Variants in DZIP1 observed in about 807,000 individuals in gnomAD.
The protein encoded by DZIP1 is DAZ interacting zinc finger protein 1.
In DZIP1, 97 loss-of-function variants were observed where a neutral mutation model predicts 107.6. That is an observed-to-expected ratio of 0.90 (90% CI 0.77 to 1.07). The LOEUF (loss-of-function observed/expected upper bound fraction) is 1.07, where lower values mean the gene tolerates loss of function less well. Ranked by LOEUF, DZIP1 falls within the 50% of genes least tolerant of loss-of-function variation. The pLI, the probability that DZIP1 is intolerant of heterozygous loss-of-function variation, is 0.00. For missense variants in DZIP1, 1,035 were observed against 1,063.6 expected, an observed-to-expected ratio of 0.97 and a Z score of 0.37; for synonymous variants, 390 against 386.4, an observed-to-expected ratio of 1.01 and a Z score of -0.11.
intron 10 of DZIP1, among the ~76,000 whole-genome samples, chr13:95,617,055 A>G (rs1875185892): frequency 6.6e-6 from 1 of 152,006 alleles, no homozygotes; most frequent in Non-Finnish European, 1.5e-5. Context: ...TAAGAATACA[A>G]AAATTAGCTC....
intron 10 of DZIP1, among the ~76,000 whole-genome samples, chr13:95,615,065 A>C (rs1322874354): frequency 6.6e-6 from 1 of 152,122 alleles, no homozygotes; most frequent in Non-Finnish European, 1.5e-5. Context: ...AAACAAGTCA[A>C]ACCAACAGAC....
chr13:95,641,450 G>T lies in DZIP1; in HGVS notation c.442C>A (p.Arg148=), dbSNP rs763723856. 6.2e-7 allele frequency: 1 copy of T among 1,614,122 alleles called. No homozygotes were observed. Among genetic ancestry groups the T allele is most frequent in the Non-Finnish European group, 8.5e-7 (1 of 1,180,026 alleles). Residue 148 remains arginine, a synonymous_variant, in exon 5 of 23, where the codon CGG becomes AGG. Coordinates refer to ENST00000376829, the MANE Select transcript of DZIP1 (RefSeq NM_198968.4). The surrounding 1 kb of genome is among the most constrained non-coding windows in gnomAD (Gnocchi z 4.3). ...CCGTCGCAGTGGCTCAGGCGCAGCC[G>T]CTCCTCCAGGGTGTGCAGCTGCGAG... ...LTSQLHTLEE[R]LRLSHCDGEQ...
At chr13:95,617,787 T>G (rs559328256) in intron 10 of DZIP1, among the ~76,000 whole-genome samples, 1 of 152,100 alleles carries the variant, frequency 6.6e-6, no homozygotes, top group Non-Finnish European at 1.5e-5. Flanking sequence ...AGGGGAAGGC[T>G]GGAATTGAGG....
Position 95,641,950 on chromosome 13 carries a change from G to C in DZIP1, c.36+44C>G, listed in dbSNP as rs1392175577. The C allele has an allele frequency of 1.3e-6, 2 of 1,555,012 alleles. No homozygotes were observed. The highest frequency in any genetic ancestry group is 2.9e-5 in the African/African-American group (2 of 70,142). On this transcript the variant is annotated intron_variant, in intron 4 of 22. Transcript: ENST00000376829. The surrounding 1 kb of genome is among the most constrained non-coding windows in gnomAD (Gnocchi z 4.3). ...TCCGGGGAAGCCCCGGTTCTCCCCA[G>C]CCCGGCATCCCCGTCGGGGGCGCCC...
chr13:95,587,395 C>T, intron 20 of DZIP1, 144 bp downstream of exon 20: 1 of 1,052,250 alleles, frequency 9.5e-7, no homozygotes, highest in Non-Finnish European at 1.4e-6. Flanking sequence ...TAAACCCTGC[C>T]CATTTTCCGT....
intron 7 of DZIP1, among the ~76,000 whole-genome samples, chr13:95,628,467 G>A (rs1876819022): frequency 6.6e-6 from 1 of 152,076 alleles, no homozygotes; most frequent in Non-Finnish European, 1.5e-5. Context: ...ATTTTTCTGG[G>A]GTGTTGAAAG....
At position 95,589,897 on chromosome 13, in the gene DZIP1, T is replaced by C. The variant is rs746897166; in HGVS notation, c.1879A>G (p.Thr627Ala). ...TGTATCATTTTGGGTACTTCTCCAG[T>C]TGAAAGGGTATCCATTTGAGAAACA... ...CSVSQMDTLS[T>A]GEVPKMIQLP... Residue 627 changes from threonine to alanine, a missense_variant, in exon 18 of 23, where the codon ACT becomes GCT. By Grantham distance (58) the Thr-to-Ala change is moderately conservative. Transcript: ENST00000376829. 4 of 1,614,186 alleles carry C rather than the reference T, an allele frequency of 2.5e-6. No individual in the cohort carries two copies. Among genetic ancestry groups the C allele is most frequent in the East Asian group, 2.2e-5 (1 of 44,878 alleles).
At chr13:95,635,300 G>T (rs1041358890) in intron 5 of DZIP1, among the ~76,000 whole-genome samples, 3 of 149,464 alleles carry the variant, frequency 2.0e-5, no homozygotes, top group Non-Finnish European at 4.4e-5. Context: ...AGGTTCAAGC[G>T]ATTCTCCTGC....
intron 11 of DZIP1, among the ~76,000 whole-genome samples, chr13:95,611,745 A>T (rs986003605): frequency 1.3e-5 from 2 of 152,234 alleles, no homozygotes; most frequent in Non-Finnish European, 2.9e-5. Context: ...AATCTTTTTA[A>T]AGTTGCATTT....
At chr13:95,611,976 A>G in intron 11 of DZIP1, 61 bp downstream of exon 11, 7 of 1,566,414 alleles carry the variant, frequency 4.5e-6, no homozygotes, top group Non-Finnish European at 8.6e-7. Context: ...GTAAAAACAC[A>G]TGTTCTTAGA....
chr13:95,625,415 T>G (rs552516936), intron 7 of DZIP1, among the ~76,000 whole-genome samples: 47 of 152,174 alleles, frequency 3.1e-4, no homozygotes, highest in Non-Finnish European at 5.1e-4. Context: ...AATTGAGAAC[T>G]TGAACGACAC....
In DZIP1 at chr13:95,578,978, G is replaced by A. The variant is rs1192087724; in HGVS notation, c.*3256C>T. The A allele has an allele frequency of 6.6e-6, 1 of 152,242 alleles. No homozygotes were observed. Among genetic ancestry groups the A allele is most frequent in the Non-Finnish European group, 1.5e-5 (1 of 68,062 alleles). 9.4% of individuals were successfully genotyped at this position (152,242 alleles called of 1,614,324 possible). ...GAGCTAGGGCATCAGCAGAAGCTGA[G>A]ATAGAGATATTGGTCATGGTTGACT... On this transcript the variant is annotated 3_prime_UTR_variant, in exon 23 of 23. Transcript: ENST00000376829.
At chr13:95,630,229 A>T in intron 6 of DZIP1, 116 bp from the exon 7 acceptor site, 2 of 1,328,110 alleles carry the variant, frequency 1.5e-6, no homozygotes. Context: ...TTGGGATACG[A>T]TTACTTGTTT....
chr13:95,590,253 C>T, intron 17 of DZIP1, 26 bp downstream of exon 17: 4 of 1,540,142 alleles, frequency 2.6e-6, no homozygotes, highest in Non-Finnish European at 3.5e-6. Flanking sequence ...AATTAAGCTC[C>T]CATTTGCAGT....
At chr13:95,622,251 C>T in intron 9 of DZIP1, 92 bp downstream of exon 9, 2 of 1,538,218 alleles carry the variant, frequency 1.3e-6, no homozygotes, top group Non-Finnish European at 1.8e-6. Context: ...CTAAAAAAGA[C>T]AAACACTTTT....
rs148618215 is a variant in DZIP1, at chr13:95,587,667, G to A, written c.2090C>T (p.Ser697Phe). The A allele has an allele frequency of 1.5e-5, 25 of 1,614,010 alleles. No homozygotes were observed. The highest frequency in any genetic ancestry group is 3.3e-4 in the Middle Eastern group (2 of 6,084). ...TGGCGGCACAGGAAGTGGGCCTGGG[G>A]ATGCGTATGCCCGGATGAGGTCGTC... ...EDDDLIRAYA[S>F]PGPLPVPPPQ... The change falls in exon 20 of 23, where the codon TCC becomes TTC. Residue 697 changes from serine to phenylalanine, a missense_variant. Ser to Phe is a radical substitution (Grantham distance 155, BLOSUM62 -2). Transcript: ENST00000376829.
At chr13:95,610,002 T>G (rs904765400) in intron 12 of DZIP1, among the ~76,000 whole-genome samples, 1 of 152,096 alleles carries the variant, frequency 6.6e-6, no homozygotes, top group African/African-American at 2.4e-5. Context: ...CCTTCTGGTC[T>G]CTTTTTTTAT....
At chr13:95,599,450 G>A in intron 14 of DZIP1, 26 bp from the exon 15 acceptor site, 3 of 1,573,158 alleles carry the variant, frequency 1.9e-6, no homozygotes, top group Non-Finnish European at 2.6e-6. Context: ...AATAAGAACA[G>A]TACAAACAGG....
intron 21 of DZIP1, among the ~76,000 whole-genome samples, chr13:95,585,193 G>A (rs1360937964): frequency 1.3e-5 from 2 of 152,172 alleles, no homozygotes; most frequent in Non-Finnish European, 2.9e-5. Context: ...ACACTGTAGC[G>A]GTATGAAACT....
Sources: gnomAD v4.1 joint callset for allele counts (sites outside exome capture counted in the v4.1 genomes callset) on GRCh38, gnomAD v4.1.1 for gene constraint, Gnocchi (gnomAD v3.1) non-coding constraint, MANE v1.5 for transcripts, NCBI Gene and HGNC (gene_info 2026-07-23, HGNC 2026-07-21) for gene names.